RSRC2: variants seen among roughly 807,000 people sequenced by gnomAD.
RSRC2 encodes the protein arginine/serine-rich coiled-coil protein 2.
A neutral mutation model predicts 61.3 loss-of-function variants in RSRC2; 5 were observed. The observed-to-expected ratio is 0.08, with a 90% CI of 0.04 to 0.17. The LOEUF (loss-of-function observed/expected upper bound fraction) is 0.17, where lower values mean the gene tolerates loss of function less well. Ranked by LOEUF, RSRC2 falls within the 10% of genes least tolerant of loss-of-function variation. The pLI is 1.00. For synonymous variants in RSRC2, 202 were observed against 166.5 expected (o/e 1.21, Z -1.64); for missense variants, 381 against 518.8 (o/e 0.73, Z 2.58).
At chr12:122,524,630 A>G (rs1244549218) in intron 1 of RSRC2, among the ~76,000 whole-genome samples, 2 of 152,204 alleles carry the variant, frequency 1.3e-5, no homozygotes, top group Non-Finnish European at 1.5e-5. Flanking sequence ...TCATCTGTAA[A>G]ATATACTACA....
rs1267560159 is a variant in RSRC2 at position 122,508,208 on chromosome 12, G to A, written c.1035+10C>T. 1 of 1,605,776 alleles carries A rather than the reference G, an allele frequency of 6.2e-7. No homozygotes were observed. Among genetic ancestry groups the A allele is most frequent in the Non-Finnish European group, 8.5e-7 (1 of 1,172,406 alleles). On this transcript the variant is annotated intron_variant, in intron 8 of 9. Coordinates refer to ENST00000331738, the MANE Select transcript of RSRC2 (RefSeq NM_023012.6). Reference sequence around the variant, plus strand: ...AATAAACGACAGAAAAGCAGAATAAGAGAACTTACCCCTTCTTTCTTGCCC... The same window carrying A: ...AATAAACGACAGAAAAGCAGAATAAAAGAACTTACCCCTTCTTTCTTGCCC...
intron 9 of RSRC2, 102 bp downstream of exon 9, chr12:122,506,732 C>T (rs11058480): frequency 0.18 from 132,879 of 719,076 alleles, 14,557 homozygotes; most frequent in East Asian, 0.46. Context: ...AACTCAAAAA[C>T]GCTGACACCT....
intron 4 of RSRC2, among the ~76,000 whole-genome samples, chr12:122,518,094 C>T (rs991824652): frequency 4.6e-5 from 7 of 152,020 alleles, no homozygotes; most frequent in Non-Finnish European, 1.0e-4. Context: ...CCCAGGGATT[C>T]GTGAATAGCC....
Position 122,517,393 on chromosome 12 carries a change from G to T in RSRC2, c.436C>A (p.Arg146=). 1 of 1,614,002 alleles carries T rather than the reference G, an allele frequency of 6.2e-7. No individual in the cohort carries two copies. Among genetic ancestry groups the T allele is most frequent in the Non-Finnish European group, 8.5e-7 (1 of 1,179,988 alleles). The change falls in exon 5 of 10, where the codon CGA becomes AGA. Residue 146 remains arginine, a synonymous_variant. Coordinates refer to ENST00000331738, the MANE Select transcript of RSRC2 (RefSeq NM_023012.6). ...RSRSRERKKS[R]SRSRERKKSR... is the part of the protein sequence containing the mutation. Reference sequence around the variant, plus strand: ...TTCTTCCGCTCCCTACTCCTGGATCGAGACTTCTTCCGCTCCCTGCTTCTA... The same window carrying T: ...TTCTTCCGCTCCCTACTCCTGGATCTAGACTTCTTCCGCTCCCTGCTTCTA...
chr12:122,525,216 A>C (rs1959923547), intron 1 of RSRC2, among the ~76,000 whole-genome samples: 1 of 152,058 alleles, frequency 6.6e-6, no homozygotes, highest in Non-Finnish European at 1.5e-5. Flanking sequence ...TCTACCAAAA[A>C]TATAAAAAAA....
chr12:122,521,492 ACT>A, intron 2 of RSRC2, 64 bp from the exon 3 acceptor site: 1 of 1,422,048 alleles, frequency 7.0e-7, no homozygotes, highest in Non-Finnish European at 9.9e-7. Flanking sequence ...ATCTTAAAAA[ACT>A]CTTAATGCTG....
intron 6 of RSRC2, chr12:122,514,623 A>G: frequency 9.5e-7 from 1 of 1,053,024 alleles, no homozygotes. Context: ...ACCAGGAATA[A>G]AACTTACAAG....
At chr12:122,507,369 C>T in intron 8 of RSRC2, 1 of 158,852 alleles carries the variant, frequency 6.3e-6, no homozygotes, top group South Asian at 1.7e-4. Flanking sequence ...GTGACAAGAG[C>T]AAGACTCTGT....
At chr12:122,513,411 A>C (rs1406511301) in intron 6 of RSRC2, among the ~76,000 whole-genome samples, 7 of 152,034 alleles carry the variant, frequency 4.6e-5, no homozygotes, top group Non-Finnish European at 8.8e-5. Flanking sequence ...GGTAGTAAAT[A>C]ATCTCATATT....
rs573790111 is a variant in RSRC2 at position 122,503,483 on chromosome 12, T to C, written c.*2044A>G. ...TATACACACATATTTTATTGGACAGTGCTGCTCTAGATGAGCAAAGTACAG... is the reference window on the plus strand; with the variant it reads ...TATACACACATATTTTATTGGACAGCGCTGCTCTAGATGAGCAAAGTACAG... On this transcript the variant is annotated 3_prime_UTR_variant, in exon 10 of 10. Transcript: ENST00000331738. 64 of 152,330 alleles carry C rather than the reference T, an allele frequency of 4.2e-4. No homozygotes were observed. The highest frequency in any genetic ancestry group is 1.2e-3 in the African/African-American group (51 of 41,570). 9.4% of individuals were successfully genotyped at this position (152,330 alleles called of 1,614,324 possible).
At chr12:122,507,544 A>C (rs991233522) in intron 8 of RSRC2, among the ~76,000 whole-genome samples, 1 of 152,008 alleles carries the variant, frequency 6.6e-6, no homozygotes, top group Non-Finnish European at 1.5e-5. Context: ...AAAAATTCTA[A>C]ACCAAGTAGC....
In RSRC2 at chr12:122,519,351, T is replaced by C. The variant is rs1321938100; in HGVS notation, c.208-322A>G. 3.5e-5 allele frequency: 8 copies of C among 229,330 alleles called. No homozygotes were observed. In the South Asian group the frequency reaches 4.4e-4, roughly 13 times the overall value. The allele number at this position is 229,330 out of a possible 1,614,324, so 14.2% of individuals were successfully genotyped here. ...TGTTTATCTAAAAGAATACAGACCA[T>C]GTATATACATCAACTTCTAAATCCA... is the stretch of plus-strand genomic sequence containing the variant. On this transcript the variant is annotated intron_variant, in intron 3 of 9. Transcript: ENST00000331738.
intron 6 of RSRC2, among the ~76,000 whole-genome samples, chr12:122,512,458 C>A (rs1393244607): frequency 6.6e-6 from 1 of 152,062 alleles, no homozygotes; most frequent in Non-Finnish European, 1.5e-5. Context: ...CCCGGCGCCA[C>A]GCCTCTCGCC....
chr12:122,522,491 A>C, intron 1 of RSRC2, 192 bp from the exon 2 acceptor site: 1 of 481,042 alleles, frequency 2.1e-6, no homozygotes, highest in Admixed American at 4.0e-5. Flanking sequence ...CCTGATACTA[A>C]AGCAAGACCT....
At chr12:122,515,771 C>T (rs912308732) in intron 5 of RSRC2, among the ~76,000 whole-genome samples, 2 of 152,144 alleles carry the variant, frequency 1.3e-5, no homozygotes, top group Non-Finnish European at 2.9e-5. Flanking sequence ...GGACAGATGA[C>T]CTGAGGTCAG....
Position 122,508,443 on chromosome 12 carries a change from T to G in RSRC2, c.810A>C (p.Ala270=). The G allele has an allele frequency of 6.2e-7, 1 of 1,612,778 alleles. No homozygotes were observed. The highest frequency in any genetic ancestry group is 2.2e-5 in the East Asian group (1 of 44,856). ...KQKQQEIAAA[A]ATGGSVLNVA... ...CATTGAGAACAGAACCTCCAGTAGC[T>G]GCAGCTGCTTGAAGAGAATACAAAA... Residue 270 remains alanine, a synonymous_variant, in exon 8 of 10, where the codon GCA becomes GCC. Coordinates refer to ENST00000331738, the MANE Select transcript of RSRC2 (RefSeq NM_023012.6).
At chr12:122,517,110 T>A (rs1958993403) in intron 5 of RSRC2, 117 bp downstream of exon 5, 2 of 1,446,292 alleles carry the variant, frequency 1.4e-6, no homozygotes, top group African/African-American at 2.8e-5. Context: ...CTAAAATAAT[T>A]TTACCATAAT....
chr12:122,517,454 G>T (rs147037981), intron 4 of RSRC2, 24 bp from the exon 5 acceptor site: 3 of 1,613,490 alleles, frequency 1.9e-6, no homozygotes, highest in African/African-American at 2.7e-5. Context: ...GCACAAATTT[G>T]TAATTACTTA....
chr12:122,517,092 G>A (rs772241690), intron 5 of RSRC2, 135 bp downstream of exon 5: 21 of 1,258,140 alleles, frequency 1.7e-5, no homozygotes, highest in Admixed American at 1.6e-4. Context: ...TCATACGTTA[G>A]GTAATGACTA....
Sources: gnomAD v4.1 joint callset for allele counts (sites outside exome capture counted in the v4.1 genomes callset) on GRCh38, gnomAD v4.1.1 for gene constraint, MANE v1.5 for transcripts, NCBI Gene and HGNC (gene_info 2026-07-23, HGNC 2026-07-21) for gene names.